Variants in ZMYND8 observed in about 807,000 individuals in gnomAD.
ZMYND8 encodes MYND-type zinc finger-containing chromatin reader ZMYND8.
In ZMYND8, 37 loss-of-function variants were observed where a neutral mutation model predicts 140.8. The observed-to-expected ratio is 0.26, with a 90% CI of 0.20 to 0.35. ZMYND8 has a LOEUF of 0.35. ZMYND8 is among the 10% of genes least tolerant of loss of function. The pLI is 1.00. For synonymous variants in ZMYND8, 592 were observed against 597.1 expected (o/e 0.99, Z 0.12); for missense variants, 1,068 against 1,570.0 (o/e 0.68, Z 5.40).
chr20:47,238,731 C>G (rs745452818), intron 15 of ZMYND8, 27 bp downstream of exon 15: 9 of 1,594,068 alleles, frequency 5.6e-6, no homozygotes, highest in Non-Finnish European at 7.7e-6. Flanking sequence ...GCGGGCGCCA[C>G]GGAGAACAGA....
intron 3 of ZMYND8, among the ~76,000 whole-genome samples, chr20:47,302,812 C>T (rs2078164727): frequency 6.6e-6 from 1 of 152,074 alleles, no homozygotes; most frequent in South Asian, 2.1e-4. Flanking sequence ...GATTAGTGCA[C>T]AAAGCTAGAG....
At chr20:47,223,581 T>TTGGGAGGCCAAGGTAGGTGGATCACC (rs2037295363) in intron 19 of ZMYND8, among the ~76,000 whole-genome samples, 1 of 151,780 alleles carries the variant, frequency 6.6e-6, no homozygotes, top group East Asian at 1.9e-4. Flanking sequence ...TCCCAGCACT[T>TTGGGAGGCCAAGGTAGGTGGATCACC]TGGGAGGCCA....
intron 10 of ZMYND8, among the ~76,000 whole-genome samples, chr20:47,280,337 C>T (rs1032510764): frequency 6.6e-6 from 1 of 152,084 alleles, no homozygotes; most frequent in Admixed American, 6.6e-5. Context: ...GACCATCAGA[C>T]CCATGCTGCT....
intron 2 of ZMYND8, among the ~76,000 whole-genome samples, chr20:47,343,872 C>G (rs1030401268): frequency 2.0e-5 from 3 of 151,978 alleles, no homozygotes; most frequent in South Asian, 2.1e-4. Flanking sequence ...GTGGGTGATG[C>G]CTTGTGACTT....
intron 11 of ZMYND8, among the ~76,000 whole-genome samples, chr20:47,265,495 C>T (rs1043118617): frequency 1.3e-5 from 2 of 152,214 alleles, no homozygotes; most frequent in Non-Finnish European, 2.9e-5. Flanking sequence ...AGCTGGAATG[C>T]AGTGGGGTGA....
At position 47,282,148 on chromosome 20, in the gene ZMYND8, C is replaced by G; in HGVS notation, c.952G>C (p.Asp318His). ...CGGGCATCGACCTGCCCGTCTTTAT[C>G]CCTTAGAGCTTTTGCAGGCCAGAAT... is the stretch of plus-strand genomic sequence containing the variant. ...FPFWPAKALR[D>H]KDGQVDARFF... Residue 318 changes from aspartate (D) to histidine (H), a missense_variant, in exon 10 of 23, where the codon GAT (aspartate) becomes CAT (histidine). Coordinates refer to ENST00000471951, the MANE Select transcript of ZMYND8 (RefSeq NM_001281775.3). The G allele has an allele frequency of 6.2e-7, 1 of 1,614,086 alleles. No individual in the cohort carries two copies.
At chr20:47,267,942 G>A (rs2075652652) in intron 11 of ZMYND8, among the ~76,000 whole-genome samples, 1 of 151,454 alleles carries the variant, frequency 6.6e-6, no homozygotes, top group East Asian at 1.9e-4. Flanking sequence ...CTCCCTTGTT[G>A]GCCACCTAAA....
intron 2 of ZMYND8, chr20:47,318,910 G>T: frequency 1.5e-6 from 2 of 1,326,556 alleles, no homozygotes; most frequent in Non-Finnish European, 2.0e-6. Context: ...CTCGGAGGCA[G>T]AACATGCGAG....
intron 12 of ZMYND8, among the ~76,000 whole-genome samples, chr20:47,259,418 C>T (rs547602374): frequency 2.0e-5 from 3 of 152,260 alleles, no homozygotes; most frequent in African/African-American, 7.2e-5. Context: ...GTGCTCCAGC[C>T]CTGCTGCCTC....
intron 2 of ZMYND8, among the ~76,000 whole-genome samples, chr20:47,312,789 CAAAAA>C (rs1210409565): frequency 2.9e-5 from 2 of 68,714 alleles, no homozygotes. Context: ...GACTCCGTCT[CAAAAA>C]AAAAAAAAAA....
intron 2 of ZMYND8, among the ~76,000 whole-genome samples, chr20:47,335,690 T>A (rs1297931429): frequency 3.9e-5 from 6 of 152,118 alleles, no homozygotes; most frequent in Non-Finnish European, 7.3e-5. Flanking sequence ...CACAAACATA[T>A]AACGTGGGTC....
At chr20:47,310,283 A>G (rs113116738) in intron 2 of ZMYND8, 79 bp from the exon 3 acceptor site, 28 of 1,507,108 alleles carry the variant, frequency 1.9e-5, no homozygotes, top group African/African-American at 1.5e-4. Flanking sequence ...TGGAGGAACC[A>G]AGTGTGGGAA....
At position 47,350,453 on chromosome 20, in the gene ZMYND8, T is replaced by TTG. The variant is rs536152663; in HGVS notation, c.15-2529_15-2528dup. Among the ~76,000 whole-genome samples, 142 of 151,420 alleles carry TTG rather than the reference T, an allele frequency of 9.4e-4. 1 individual carries two copies. Among genetic ancestry groups the TTG allele is most frequent in the South Asian group, 6.9e-3 (33 of 4,816 alleles). On this transcript the variant is annotated intron_variant, in intron 1 of 22. Transcript: ENST00000471951. ...TCCTACACCACTGATTTCGGTTTTT[T>TTG]TGTGTGTGTGTGTGTGTTTTTTTTT...
intron 12 of ZMYND8, among the ~76,000 whole-genome samples, chr20:47,253,956 G>C (rs1361614101): frequency 2.6e-5 from 4 of 152,224 alleles, no homozygotes; most frequent in African/African-American, 4.8e-5. Context: ...ATGGCTAGGG[G>C]CTGGGCCCAG....
chr20:47,261,871 G>A (rs2075181704), intron 12 of ZMYND8, among the ~76,000 whole-genome samples: 1 of 152,006 alleles, frequency 6.6e-6, no homozygotes. Flanking sequence ...CGGGGTTTGA[G>A]ACCAGCCTGG....
At chr20:47,247,246 G>T (rs2040670261) in intron 13 of ZMYND8, among the ~76,000 whole-genome samples, 1 of 152,188 alleles carries the variant, frequency 6.6e-6, no homozygotes, top group Non-Finnish European at 1.5e-5. Flanking sequence ...GGAAAATCTA[G>T]CCGCTCTGGG....
chr20:47,258,004 T>C (rs2074881856), intron 12 of ZMYND8, among the ~76,000 whole-genome samples: 1 of 152,178 alleles, frequency 6.6e-6, no homozygotes, highest in Admixed American at 6.5e-5. Flanking sequence ...ATTACAGACA[T>C]AAGCCACCAA....
intron 16 of ZMYND8, 99 bp downstream of exon 16, chr20:47,236,227 C>T (rs2039215354): frequency 2.5e-5 from 36 of 1,446,796 alleles, no homozygotes; most frequent in Non-Finnish European, 3.4e-5. Flanking sequence ...TCCCTAAAGA[C>T]TGCAAGGTTA....
At chr20:47,238,538 A>G (rs753601180) in intron 15 of ZMYND8, 21 of 787,528 alleles carry the variant, frequency 2.7e-5, no homozygotes, top group Non-Finnish European at 4.2e-5. Context: ...TGCATGTATC[A>G]TTTATAAAAT....
Sources: allele counts gnomAD v4.1 joint callset (sites outside exome capture counted in the v4.1 genomes callset), GRCh38; gene constraint gnomAD v4.1.1; transcripts MANE v1.5; gene names NCBI Gene and HGNC (gene_info 2026-07-23, HGNC 2026-07-21).